FANCM: variants seen among roughly 807,000 people sequenced by gnomAD.
The protein encoded by FANCM is Fanconi anemia group M protein.
Under a neutral mutation model 199.5 loss-of-function variants are expected in FANCM, and 140 were observed. The ratio of observed to expected loss-of-function variants is 0.70; its 90% CI spans 0.61 to 0.81. FANCM has a LOEUF of 0.81. Ranked by LOEUF, FANCM falls within the 30% of genes least tolerant of loss-of-function variation. The pLI is 0.00. For missense variants in FANCM, 2,410 were observed against 2,421.4 expected (o/e 1.00, Z 0.10); for synonymous variants, 840 against 836.8 (o/e 1.00, Z -0.07).
chr14:45,179,772 G>A (rs1263824793), intron 14 of FANCM, among the ~76,000 whole-genome samples: 1 of 151,942 alleles, frequency 6.6e-6, no homozygotes, highest in Admixed American at 6.6e-5. Flanking sequence ...ATATTGGCCA[G>A]GCTGGTCTCG....
chr14:45,141,962 G>C (rs1885999429), intron 3 of FANCM, among the ~76,000 whole-genome samples: 1 of 151,906 alleles, frequency 6.6e-6, no homozygotes, highest in African/African-American at 2.4e-5. Context: ...TAAAAATACA[G>C]GATATTTTTA....
rs3036344 is a variant in FANCM, at chr14:45,171,691, T to TTG, written c.2160+976_2160+977dup. 5.3e-3 allele frequency among the ~76,000 whole-genome samples: 777 copies of TTG among 146,514 alleles called. 7 individuals are homozygous for TTG. The highest frequency in any genetic ancestry group is 0.017 in the African/African-American group (674 of 39,764). On this transcript the variant is annotated intron_variant, in intron 12 of 22. Transcript: ENST00000267430. ...TTTTATGGCTGAGTAGTAGTCCATG[T>TTG]TGTGTGTGTGTGTGTGTGTGTGTGT...
intron 5 of FANCM, 90 bp from the exon 6 acceptor site, chr14:45,153,830 G>A (rs1396690854): frequency 1.0e-6 from 1 of 968,630 alleles, no homozygotes; most frequent in Non-Finnish European, 1.7e-6. Flanking sequence ...TATTATAAAT[G>A]TTACACTGAC....
rs770533312 is a variant in FANCM, at chr14:45,148,980, A to G, written c.903A>G (p.Gln301=). The G allele has an allele frequency of 1.9e-6, 3 of 1,613,512 alleles. No individual in the cohort carries two copies. In the East Asian group the frequency reaches 6.7e-5, roughly 36 times the overall value. The change falls in exon 4 of 23, where the codon CAA becomes CAG. Residue 301 remains glutamine (Q), a synonymous_variant. Transcript: ENST00000267430. ...VPLGEELAAI[Q]KTYIQILESF... ...TTGGTGAAGAACTTGCAGCCATCCA[A>G]AAGACCTATATCCAGGTAAACCATT...
At chr14:45,147,394 C>G (rs1243324837) in intron 3 of FANCM, among the ~76,000 whole-genome samples, 1 of 152,010 alleles carries the variant, frequency 6.6e-6, no homozygotes, top group Non-Finnish European at 1.5e-5. Context: ...TCACTGCAGC[C>G]TAGAACTCCT....
Position 45,176,556 on chromosome 14 carries a change from G to C in FANCM, c.3802G>C (p.Glu1268Gln), listed in dbSNP as rs1274427391. The change falls in exon 14 of 23, where the codon GAG becomes CAG. Residue 1268 changes from glutamate (E) to glutamine (Q), a missense_variant. Glu to Gln is a conservative substitution (Grantham distance 29). Coordinates refer to ENST00000267430, the MANE Select transcript of FANCM (RefSeq NM_020937.4). ...DLYGRYLEIK[E>Q]ISDANYVSNQ... ...ATATGGAAGGTATTTGGAAATTAAG[G>C]AGATAAGTGATGCAAATTATGTTTC... 1 of 1,602,464 alleles carries C rather than the reference G, an allele frequency of 6.2e-7. No individual in the cohort carries two copies. The highest frequency in any genetic ancestry group is 1.3e-5 in the African/African-American group (1 of 74,368).
At chr14:45,185,398 A>T (rs1566778383) in intron 18 of FANCM, 25 bp downstream of exon 18, 4 of 1,420,654 alleles carry the variant, frequency 2.8e-6, no homozygotes, top group Admixed American at 2.0e-5. Context: ...GATCCTTAAA[A>T]TTTTTTTCAA....
In FANCM at chr14:45,189,511, A is replaced by T. The variant is rs187017168; in HGVS notation, c.5340+149A>T. The T allele has an allele frequency of 1.9e-3, 1,239 of 649,314 alleles. 10 individuals carry two copies. In the African/African-American group the frequency reaches 0.021, roughly 11 times the overall value. The allele number at this position is 649,314 out of a possible 1,614,324, so 40.2% of individuals were successfully genotyped here. A position where few individuals can be genotyped will look rare whatever the true frequency, so the allele number is the denominator to read the frequency against. On this transcript the variant is annotated intron_variant, in intron 20 of 22. Coordinates refer to ENST00000267430, the MANE Select transcript of FANCM (RefSeq NM_020937.4). Reference sequence around the variant, plus strand: ...GAAAATGTCTTCAAACAAGAAAACAATACACAAAATTATATGGGCAATTCA... The same window carrying T: ...GAAAATGTCTTCAAACAAGAAAACATTACACAAAATTATATGGGCAATTCA...
chr14:45,161,888 G>T (rs1481675886), intron 9 of FANCM, among the ~76,000 whole-genome samples: 1 of 152,230 alleles, frequency 6.6e-6, no homozygotes, highest in Non-Finnish European at 1.5e-5. Flanking sequence ...AGCTGAAGAT[G>T]ATGGTGACTT....
In FANCM at chr14:45,140,677, G is replaced by C; in HGVS notation, c.727G>C (p.Ala243Pro). The change falls in exon 3 of 23, where the codon GCT (alanine) becomes CCT (proline). Residue 243 changes from alanine to proline, a missense_variant. Coordinates refer to ENST00000267430, the MANE Select transcript of FANCM (RefSeq NM_020937.4). Reference sequence around the variant, plus strand: ...ATATACAAATCACTTTAGAATCTTGGCTCTAAGTGCCACACCAGGTAGTGA... The same window carrying C: ...ATATACAAATCACTTTAGAATCTTGCCTCTAAGTGCCACACCAGGTAGTGA... Reference protein sequence around the residue: ...VKYTNHFRILALSATPGSDIK... With the variant: ...VKYTNHFRILPLSATPGSDIK... The C allele has an allele frequency of 6.2e-7, 1 of 1,602,872 alleles. No homozygotes were observed. The highest frequency in any genetic ancestry group is 8.5e-7 in the Non-Finnish European group (1 of 1,170,422).
In FANCM at chr14:45,140,490, A is replaced by G. The variant is rs1342779340; in HGVS notation, c.682-142A>G. 1.4e-5 allele frequency: 9 copies of G among 653,634 alleles called. No individual in the cohort carries two copies. The East Asian group carries it at 1.8e-4, about 13-fold the overall frequency. The allele number at this position is 653,634 out of a possible 1,614,324, so 40.5% of individuals were successfully genotyped here. On this transcript the variant is annotated intron_variant, in intron 2 of 22. Transcript: ENST00000267430. ...AATCATTTGCTCTTCAGATAATATAACTGGTGGTAGTTCACTCACTAGACC... is the reference window on the plus strand; with the variant it reads ...AATCATTTGCTCTTCAGATAATATAGCTGGTGGTAGTTCACTCACTAGACC...
chr14:45,198,475 C>G, intron 21 of FANCM, 169 bp from the exon 22 acceptor site: 1 of 492,692 alleles, frequency 2.0e-6, no homozygotes, highest in Non-Finnish European at 3.6e-6. Flanking sequence ...CCCCTATTTT[C>G]TTTCTCAGAT....
At chr14:45,170,547 AT>A in intron 11 of FANCM, 41 bp from the exon 12 acceptor site, 1 of 1,487,074 alleles carries the variant, frequency 6.7e-7, no homozygotes, top group South Asian at 1.2e-5. Context: ...TGCTTTGCAG[AT>A]TTTTAAAAAG....
chr14:45,167,665 C>T (rs1427868862), intron 11 of FANCM, among the ~76,000 whole-genome samples: 1 of 152,026 alleles, frequency 6.6e-6, no homozygotes, highest in Non-Finnish European at 1.5e-5. Context: ...ATTGAGGTAG[C>T]CATTTGTGTT....
chr14:45,163,857 G>T (rs1187481818), intron 9 of FANCM, among the ~76,000 whole-genome samples: 1 of 152,120 alleles, frequency 6.6e-6, no homozygotes, highest in Non-Finnish European at 1.5e-5. Flanking sequence ...AAAATAATTA[G>T]AACTGTTTAT....
intron 3 of FANCM, among the ~76,000 whole-genome samples, chr14:45,146,433 T>G (rs75377328): frequency 0.09 from 13,768 of 152,142 alleles, 769 homozygotes; most frequent in South Asian, 0.18. Context: ...GCTCCATGCT[T>G]CCAATGATAG....
At position 45,136,075 on chromosome 14, in the gene FANCM, G is replaced by T; in HGVS notation, c.44G>T (p.Ser15Ile). 1 of 1,613,980 alleles carries T rather than the reference G, an allele frequency of 6.2e-7. No individual in the cohort carries two copies. Among genetic ancestry groups the T allele is most frequent in the Non-Finnish European group, 8.5e-7 (1 of 1,180,036 alleles). The change falls in exon 1 of 23, where the codon AGT becomes ATT. Residue 15 changes from serine (S) to isoleucine (I), a missense_variant. Physicochemically the swap from Ser to Ile is moderately radical, Grantham distance 142. Coordinates refer to ENST00000267430, the MANE Select transcript of FANCM (RefSeq NM_020937.4). Reference sequence around the variant, plus strand: ...ACGCTTTTTCAGACGTGGGGCTCAAGTATCTCCCGATCATCTGGGACTCCG... The same window carrying T: ...ACGCTTTTTCAGACGTGGGGCTCAATTATCTCCCGATCATCTGGGACTCCG... ...QRTLFQTWGS[S>I]ISRSSGTPGC...
intron 18 of FANCM, among the ~76,000 whole-genome samples, chr14:45,187,518 C>G (rs1327174491): frequency 6.6e-6 from 1 of 151,980 alleles, no homozygotes; most frequent in African/African-American, 2.4e-5. Context: ...CATTTTAATC[C>G]TCATTTTCAG....
chr14:45,182,165 C>T (rs956522969), intron 16 of FANCM, among the ~76,000 whole-genome samples: 1 of 152,096 alleles, frequency 6.6e-6, no homozygotes. Flanking sequence ...GGAGTTCTGG[C>T]AAGCTTCTTG....
Sources: gnomAD v4.1 joint callset for allele counts (sites outside exome capture counted in the v4.1 genomes callset) on GRCh38, gnomAD v4.1.1 for gene constraint, MANE v1.5 for transcripts, NCBI Gene and HGNC (gene_info 2026-07-23, HGNC 2026-07-21) for gene names.